Variants in SH3D21 observed in about 807,000 individuals in gnomAD.
The protein encoded by SH3D21 is SH3 domain-containing protein 21.
In SH3D21, 83 loss-of-function variants were observed where a neutral mutation model predicts 82.1. The ratio of observed to expected loss-of-function variants is 1.01; its 90% confidence interval spans 0.85 to 1.21. The LOEUF (loss-of-function observed/expected upper bound fraction) is 1.21, where lower values mean the gene tolerates loss of function less well. Among genes scored for constraint, SH3D21 ranks in the 50% most tolerant of loss-of-function variants. The probability of loss-of-function intolerance (pLI) is 0.00; values close to 1 mark genes in which losing one functional copy is unlikely to be tolerated. For synonymous variants in SH3D21, 383 were observed against 387.8 expected, an observed-to-expected ratio of 0.99 and a Z score of 0.15; for missense variants, 980 against 962.1, an observed-to-expected ratio of 1.02 and a Z score of -0.25.
At chr1:36,325,434 G>A (rs996586471), downstream of SH3D21, among the ~76,000 whole-genome samples, 2 of 152,220 alleles carry the variant, frequency 1.3e-5, no homozygotes, top group Non-Finnish European at 2.9e-5. Context: ...TGCAAATACT[G>A]AACCAATTTA....
chr1:36,307,346 G>A lies in SH3D21; in HGVS notation c.345+61G>A. On this transcript the variant is annotated intron_variant, in intron 4 of 15. Transcript: ENST00000453908. This position sits in a 1 kb window ranked among gnomAD's most constrained non-coding sequence, Gnocchi z 5.4. The stretch of plus-strand genomic sequence containing the variant: ...ATGATGGAACGCGCCTCCCTAGTGA[G>A]CGGGGTGGGAAGTGAGGGTGTGGAC... The A allele has an allele frequency of 6.5e-7, 1 of 1,544,628 alleles. No individual in the cohort carries two copies. The highest frequency in any genetic ancestry group is 8.8e-7 in the Non-Finnish European group (1 of 1,141,410).
chr1:36,306,839 C>T lies in SH3D21; in HGVS notation c.163-3C>T, dbSNP rs1288153808. Reference sequence around the variant, plus strand: ...AGCGCCTTCCCCGTGCCCTGATTCCCAGGAGATCCCAGAGACCCTGCGGGG... The same window carrying T: ...AGCGCCTTCCCCGTGCCCTGATTCCTAGGAGATCCCAGAGACCCTGCGGGG... On this transcript the variant is annotated splice_polypyrimidine_tract_variant and splice_region_variant and intron_variant, in intron 2 of 15. Transcript: ENST00000453908. This position sits in a 1 kb window ranked among gnomAD's most constrained non-coding sequence, Gnocchi z 4.5. The T allele has an allele frequency of 1.8e-5, 23 of 1,296,554 alleles. No homozygotes were observed. The highest frequency in any genetic ancestry group is 2.0e-5 in the Non-Finnish European group (20 of 990,342). 80.3% of individuals were successfully genotyped at this position (1,296,554 alleles called of 1,614,324 possible).
At position 36,319,467 on chromosome 1, in the gene SH3D21, G is replaced by C. The variant is rs1272683963; in HGVS notation, c.942G>C (p.Gly314=). Residue 314 remains glycine (G), a synonymous_variant, in exon 13 of 16, where the codon GGG becomes GGC. Transcript: ENST00000453908. ...GCCCCAATGGTGGCTTCCAAAGTGG[G>C]GGTTCGTATCACCCTGGCCGAAAGC... ...DSGPNGGFQS[G]GSYHPGRKRS... The C allele has an allele frequency of 1.9e-6, 3 of 1,551,552 alleles. No homozygotes were observed. The highest frequency in any genetic ancestry group is 2.6e-6 in the Non-Finnish European group (3 of 1,146,994).
Position 36,308,181 on chromosome 1 carries a change from G to T in SH3D21, c.611G>T (p.Arg204Met). 1 of 1,545,540 alleles carries T rather than the reference G, an allele frequency of 6.5e-7. No individual in the cohort carries two copies. Reference protein sequence around the residue: ...PEAPDELALRRGDVVKVLSKT... With the variant: ...PEAPDELALRMGDVVKVLSKT... ...GCCCCAGACGAGTTGGCGCTGCGGA[G>T]GGGGGACGTGGTAAAAGTACTCAGC... Residue 204 changes from arginine (R) to methionine (M), a missense_variant, in exon 8 of 16, where the codon AGG becomes ATG. Coordinates refer to ENST00000453908, the MANE Select transcript of SH3D21 (RefSeq NM_001162530.2).
At position 36,306,643 on chromosome 1, in the gene SH3D21, TGA is replaced by T; in HGVS notation, c.52_53del (p.Leu19GlyfsTer98). On this transcript the variant is annotated frameshift_variant, in exon 2 of 16. Transcript: ENST00000453908. LOFTEE classifies it high-confidence loss of function. This position sits in a 1 kb window ranked among gnomAD's most constrained non-coding sequence, Gnocchi z 4.5. ...TACCGCGCGCAGAAGGAGGACGAGC[TGA>T]GTCTGGCGCCCGGGGACGTGGTCCG... 2 of 1,301,732 alleles carry T rather than the reference TGA, an allele frequency of 1.5e-6. No homozygotes were observed. Among genetic ancestry groups the T allele is most frequent in the Non-Finnish European group, 2.0e-6 (2 of 988,600 alleles). 80.6% of individuals were successfully genotyped at this position (1,301,732 alleles called of 1,614,324 possible).
At chr1:36,327,917 T>G (rs761320210), downstream of SH3D21, 85 of 1,267,484 alleles carry the variant, frequency 6.7e-5, no homozygotes, top group Non-Finnish European at 8.2e-5. Context: ...CCCACCAGCC[T>G]GTCCGTGGGT....
At position 36,308,204 on chromosome 1, in the gene SH3D21, A is replaced by G. The variant is rs1646169218; in HGVS notation, c.634A>G (p.Ser212Gly). 3 of 1,538,638 alleles carry G rather than the reference A, an allele frequency of 1.9e-6. No homozygotes were observed. Among genetic ancestry groups the G allele is most frequent in the Non-Finnish European group, 1.8e-6 (2 of 1,140,344 alleles). The change falls in exon 8 of 16, where the codon AGC becomes GGC. Residue 212 changes from serine (S) to glycine (G), a missense_variant. By Grantham distance (56) the Ser-to-Gly change is moderately conservative. Coordinates refer to ENST00000453908, the MANE Select transcript of SH3D21 (RefSeq NM_001162530.2). ...GAGGGGGGACGTGGTAAAAGTACTC[A>G]GCAAGGTGTGAGACGAACAGGGTGG... is the stretch of plus-strand genomic sequence containing the variant. ...LRRGDVVKVL[S>G]KTTEDKGWWE...
At chr1:36,323,679 C>A (rs1488592005), downstream of SH3D21, 1 of 151,468 alleles carries the variant, frequency 6.6e-6, no homozygotes, top group Non-Finnish European at 1.5e-5. Flanking sequence ...GGCGGGGAGG[C>A]GGGGAGGAAA....
downstream of SH3D21, among the ~76,000 whole-genome samples, chr1:36,326,234 C>CTTTT (rs369308991): frequency 6.9e-6 from 1 of 144,336 alleles, no homozygotes; most frequent in Admixed American, 6.8e-5. Flanking sequence ...TTCTTTCTTT[C>CTTTT]TTTTTTTTTT....
chr1:36,329,135 T>A (rs1646570205), downstream of SH3D21: 1 of 152,274 alleles, frequency 6.6e-6, no homozygotes, highest in South Asian at 2.1e-4. Context: ...AATTTATGGC[T>A]AATATGCCAG....
In SH3D21 at chr1:36,307,143, T is replaced by A. The variant is rs1465654567; in HGVS notation, c.227-24T>A. 3.2e-6 allele frequency: 5 copies of A among 1,550,932 alleles called. No individual in the cohort carries two copies. The stretch of plus-strand genomic sequence containing the variant: ...TCTGACTGGGGCGTCCGACTGGAGC[T>A]CAGCCGCGCTTGTCCGGTGCTAGGT... On this transcript the variant is annotated intron_variant, in intron 3 of 15. Transcript: ENST00000453908. The surrounding 1 kb of genome is among the most constrained non-coding windows in gnomAD (Gnocchi z 5.4).
At chr1:36,317,596 C>G (rs1231589305) in intron 10 of SH3D21, among the ~76,000 whole-genome samples, 1 of 152,110 alleles carries the variant, frequency 6.6e-6, no homozygotes, top group Admixed American at 6.6e-5. Context: ...GAGTTTAACT[C>G]TTGTCGCCCA....
downstream of SH3D21, chr1:36,321,515 G>C (rs1646462923): frequency 3.8e-6 from 3 of 791,804 alleles, no homozygotes; most frequent in Non-Finnish European, 4.9e-6. The surrounding 1 kb of genome is among the most constrained non-coding windows in gnomAD (Gnocchi z 6.1). Flanking sequence ...GTGCGCCGGG[G>C]AGGAGCCGGG....
At chr1:36,324,186 G>T (rs1031181547), downstream of SH3D21, 2 of 152,254 alleles carry the variant, frequency 1.3e-5, no homozygotes, top group Admixed American at 6.5e-5. Context: ...GTCTAGTCAC[G>T]CAGGGTTAAT....
In SH3D21 at chr1:36,320,781, G is replaced by A. The variant is rs995229853; in HGVS notation, c.2118G>A (p.Leu706=). The change falls in exon 14 of 16, where the codon CTG becomes CTA. Residue 706 remains leucine, a synonymous_variant. Coordinates refer to ENST00000453908, the MANE Select transcript of SH3D21 (RefSeq NM_001162530.2). ...EVESLRRALE[L]MEVQLERKLT... ...AGTCTCTAAGGAGGGCGCTGGAGCT[G>A]ATGGAGGTGCAGCTGGAGTGAGTGG... 3 of 1,574,600 alleles carry A rather than the reference G, an allele frequency of 1.9e-6. No homozygotes were observed. In the African/African-American group the frequency reaches 4.1e-5, roughly 21 times the overall value.
In SH3D21 at chr1:36,306,750, G is replaced by A. The variant is rs1388849658; in HGVS notation, c.157G>A (p.Val53Met). 7.7e-7 allele frequency: 1 copy of A among 1,290,364 alleles called. No individual in the cohort carries two copies. The highest frequency in any genetic ancestry group is 1.5e-5 in the African/African-American group (1 of 65,204). 79.9% of individuals were successfully genotyped at this position (1,290,364 alleles called of 1,614,324 possible). Residue 53 changes from valine (V) to methionine (M), a missense_variant, in exon 2 of 16, where the codon GTG (valine) becomes ATG (methionine). Coordinates refer to ENST00000453908, the MANE Select transcript of SH3D21 (RefSeq NM_001162530.2). The surrounding 1 kb of genome is among the most constrained non-coding windows in gnomAD (Gnocchi z 4.5). The part of the protein sequence containing the change: ...GRYGLFPERL[V>M]QEIPETLRGS... The stretch of plus-strand genomic sequence containing the variant: ...CTATGGCCTCTTCCCCGAGCGCCTG[G>A]TGCAGGTGAGGCCGAGCCAGGGGCG...
chr1:36,327,958 C>T (rs986094831), downstream of SH3D21: 20 of 948,484 alleles, frequency 2.1e-5, no homozygotes, highest in South Asian at 2.7e-5. Flanking sequence ...GATCTCTGCA[C>T]GTGTGTCACC....
rs1335164473 is a variant in SH3D21, at chr1:36,319,071, C to T, written c.770C>T (p.Ala257Val). The part of the protein sequence containing the change: ...VPRKVVSRES[A>V]PIKEPKKLMP... ...GAGTGCTCCACTCCTCTCTTCCCAG[C>T]TCCTATTAAGGAACCAAAAAAGTTG... The change falls in exon 11 of 16, where the codon GCT (alanine) becomes GTT (valine). Residue 257 changes from alanine to valine, a missense_variant and splice_region_variant. Coordinates refer to ENST00000453908, the MANE Select transcript of SH3D21 (RefSeq NM_001162530.2). 6 of 1,534,200 alleles carry T rather than the reference C, an allele frequency of 3.9e-6. No individual in the cohort carries two copies. In the Admixed American group the frequency reaches 1.2e-4, roughly 30 times the overall value.
In SH3D21 at chr1:36,306,883, G is replaced by GCCGCGCTGTGCGCGCCGC; in HGVS notation, c.206_223dup (p.Pro69_Arg74dup). The GCCGCGCTGTGCGCGCCGC allele has an allele frequency of 7.7e-7, 1 of 1,305,770 alleles. No individual in the cohort carries two copies. Among genetic ancestry groups the GCCGCGCTGTGCGCGCCGC allele is most frequent in the Non-Finnish European group, 1.0e-6 (1 of 999,810 alleles). 80.9% of individuals were successfully genotyped at this position (1,305,770 alleles called of 1,614,324 possible). On this transcript the variant is annotated inframe_insertion, in exon 3 of 16. Coordinates refer to ENST00000453908, the MANE Select transcript of SH3D21 (RefSeq NM_001162530.2). The surrounding 1 kb of genome is among the most constrained non-coding windows in gnomAD (Gnocchi z 4.5). ...TGCGGGGCTCCGGAGAGGCGCGGAG[G>GCCGCGCTGTGCGCGCCGC]CCGCGCTGTGCGCGCCGCCGAGGTG...
Sources: gnomAD v4.1 joint callset for allele counts (sites outside exome capture counted in the v4.1 genomes callset) on GRCh38, gnomAD v4.1.1 for gene constraint, Gnocchi (gnomAD v3.1) non-coding constraint, MANE v1.5 for transcripts, NCBI Gene and HGNC (gene_info 2026-07-23, HGNC 2026-07-21) for gene names.